CCDC60: variants seen among roughly 807,000 people sequenced by gnomAD.
CCDC60 encodes the protein coiled-coil domain containing 60, also known as coiled-coil domain-containing protein 60.
In CCDC60, 54 loss-of-function variants were observed where a neutral mutation model predicts 63.5. The observed-to-expected ratio is 0.85, with a 90% CI of 0.68 to 1.07. The LOEUF (loss-of-function observed/expected upper bound fraction) is 1.07, where lower values mean the gene tolerates loss of function less well. Ranked by LOEUF, CCDC60 falls within the 50% of genes least tolerant of loss-of-function variation. The pLI is 0.00. For synonymous variants in CCDC60, 206 were observed against 238.8 expected (o/e 0.86, Z 1.27); for missense variants, 651 against 684.3 (o/e 0.95, Z 0.54).
intron 2 of CCDC60, chr12:119,433,512 G>A: frequency 1.4e-6 from 1 of 702,352 alleles, no homozygotes; most frequent in Non-Finnish European, 2.6e-6. Flanking sequence ...CCAACATTAA[G>A]GAAGGAATCA....
chr12:119,493,568 C>T (rs1208419702), intron 5 of CCDC60, among the ~76,000 whole-genome samples: 2 of 152,024 alleles, frequency 1.3e-5, no homozygotes, highest in African/African-American at 2.4e-5. Flanking sequence ...CCAATTTCAT[C>T]ATGTGGCAAT....
chr12:119,383,674 G>A (rs917647919), intron 1 of CCDC60, among the ~76,000 whole-genome samples: 3 of 152,230 alleles, frequency 2.0e-5, no homozygotes, highest in Non-Finnish European at 4.4e-5. Context: ...AAGTAGCTGA[G>A]CTGTCCTGTC....
chr12:119,369,246 G>A (rs897871551), intron 1 of CCDC60, among the ~76,000 whole-genome samples: 4 of 152,114 alleles, frequency 2.6e-5, no homozygotes, highest in East Asian at 1.9e-4. Context: ...AGAGAAAGAC[G>A]CTCGCAATGT....
chr12:119,497,695 G>A (rs1025055778), intron 5 of CCDC60, among the ~76,000 whole-genome samples: 4 of 151,798 alleles, frequency 2.6e-5, no homozygotes, highest in Admixed American at 1.3e-4. Flanking sequence ...CAGGGGCTGC[G>A]TTAGCAAAGG....
intron 11 of CCDC60, among the ~76,000 whole-genome samples, chr12:119,527,040 T>TA (rs1238756706): frequency 2.6e-5 from 4 of 152,054 alleles, no homozygotes; most frequent in Admixed American, 2.6e-4. Context: ...ACAGACTGGA[T>TA]AAAAAATTGT....
At chr12:119,506,542 C>T (rs188202202) in intron 7 of CCDC60, among the ~76,000 whole-genome samples, 103 of 150,936 alleles carry the variant, frequency 6.8e-4, no homozygotes, top group African/African-American at 2.3e-3. Flanking sequence ...GAGCCTAGGA[C>T]GTAGGGGCTG....
chr12:119,512,780 T>C (rs1952248285), intron 7 of CCDC60, among the ~76,000 whole-genome samples: 1 of 152,238 alleles, frequency 6.6e-6, no homozygotes, highest in African/African-American at 2.4e-5. Flanking sequence ...TGAGATGCAA[T>C]CAGGTTGCAC....
chr12:119,392,551 C>T (rs1002591914), intron 1 of CCDC60, among the ~76,000 whole-genome samples: 11 of 152,184 alleles, frequency 7.2e-5, no homozygotes, highest in South Asian at 2.1e-4. Flanking sequence ...TCTTACCCAA[C>T]GCAGGGTGCA....
At chr12:119,536,724 A>C (rs1030498230) in intron 13 of CCDC60, among the ~76,000 whole-genome samples, 1 of 152,184 alleles carries the variant, frequency 6.6e-6, no homozygotes, top group Non-Finnish European at 1.5e-5. Flanking sequence ...CCTTTTCTTT[A>C]AGAATGCTGA....
At chr12:119,519,517 C>T (rs894127626) in intron 8 of CCDC60, among the ~76,000 whole-genome samples, 72 of 143,836 alleles carry the variant, frequency 5.0e-4, no homozygotes, top group African/African-American at 1.8e-3. Flanking sequence ...GGCTGGAGTG[C>T]AGTGGTGCGA....
chr12:119,514,167 C>CTTTTCTT (rs998106889), intron 7 of CCDC60, among the ~76,000 whole-genome samples: 2 of 151,560 alleles, frequency 1.3e-5, no homozygotes, highest in Admixed American at 6.6e-5. Context: ...GCTTAGTTTC[C>CTTTTCTT]TTTTCTTTTT....
At chr12:119,536,154 C>T (rs1296233276) in intron 13 of CCDC60, among the ~76,000 whole-genome samples, 1 of 152,146 alleles carries the variant, frequency 6.6e-6, no homozygotes, top group African/African-American at 2.4e-5. Context: ...GAATTGATCC[C>T]TTTACCATTA....
intron 5 of CCDC60, among the ~76,000 whole-genome samples, chr12:119,498,496 C>T (rs543211713): frequency 2.0e-5 from 3 of 152,224 alleles, no homozygotes; most frequent in Non-Finnish European, 4.4e-5. Context: ...CCACACCTGG[C>T]TAAATTTTTT....
Position 119,488,778 on chromosome 12 carries a change from C to G in CCDC60, c.469C>G (p.Leu157Val), listed in dbSNP as rs1459360311. 1 of 1,614,212 alleles carries G rather than the reference C, an allele frequency of 6.2e-7. No individual in the cohort carries two copies. The highest frequency in any genetic ancestry group is 1.7e-5 in the Admixed American group (1 of 60,030). Residue 157 changes from leucine (L) to valine (V), a missense_variant, in exon 5 of 14, where the codon CTC (leucine) becomes GTC (valine). Coordinates refer to ENST00000327554, the MANE Select transcript of CCDC60 (RefSeq NM_178499.5). ...TTGCAGCGAGCCCCTCTTCCGCCAG[C>G]TCTGTGCTCTCCACTGGCTTCTGGA... Reference protein sequence around the residue: ...EAHVEPLFRQLCALHWLLEAL... With the variant: ...EAHVEPLFRQVCALHWLLEAL...
At chr12:119,422,652 C>A (rs1956834317) in intron 1 of CCDC60, among the ~76,000 whole-genome samples, 1 of 152,164 alleles carries the variant, frequency 6.6e-6, no homozygotes, top group Admixed American at 6.5e-5. Flanking sequence ...AGAAACCACC[C>A]CCATGATCCA....
rs542104922 is a variant in CCDC60, at chr12:119,452,799, G to A, written c.171-19195G>A. On this transcript the variant is annotated intron_variant, in intron 2 of 13. Transcript: ENST00000327554. ...ACAGCAATTTTTTGGTAGAGTTAGA[G>A]TTAGAATTTGGCTTGTTTTTTTTTT... Among the ~76,000 whole-genome samples the A allele has an allele frequency of 5.8e-4, 88 of 150,980 alleles. 1 individual carries two copies. Among genetic ancestry groups the A allele is most frequent in the Admixed American group, 5.4e-3 (81 of 15,086 alleles).
chr12:119,445,896 C>T (rs909943834), intron 2 of CCDC60, among the ~76,000 whole-genome samples: 8 of 151,918 alleles, frequency 5.3e-5, no homozygotes, highest in South Asian at 2.1e-4. Context: ...GGCATAAGAA[C>T]GATACAATGG....
At chr12:119,446,848 A>T (rs1296734419) in intron 2 of CCDC60, among the ~76,000 whole-genome samples, 3 of 152,074 alleles carry the variant, frequency 2.0e-5, no homozygotes, top group Admixed American at 6.5e-5. Flanking sequence ...TCAGATTTTT[A>T]AAAAGTCACA....
At chr12:119,521,922 G>A (rs1456495541) in intron 9 of CCDC60, among the ~76,000 whole-genome samples, 2 of 152,166 alleles carry the variant, frequency 1.3e-5, no homozygotes, top group Admixed American at 6.5e-5. Flanking sequence ...ACCCAAGTAG[G>A]ATGAGGATTT....
Sources: allele counts gnomAD v4.1 joint callset (sites outside exome capture counted in the v4.1 genomes callset), GRCh38; gene constraint gnomAD v4.1.1; transcripts MANE v1.5; gene names NCBI Gene and HGNC (gene_info 2026-07-23, HGNC 2026-07-21).